The following SULT1B1 variants were observed in gnomAD, a reference collection of about 807,000 sequenced individuals.
SULT1B1 encodes the protein sulfotransferase family 1B member 1.
In SULT1B1, 28 loss-of-function variants were observed where a neutral mutation model predicts 34.6. The ratio of observed to expected loss-of-function variants is 0.81; its 90% confidence interval spans 0.60 to 1.11. The LOEUF (loss-of-function observed/expected upper bound fraction) is 1.11, where lower values mean the gene tolerates loss of function less well. Among genes scored for constraint, SULT1B1 ranks in the 50% least tolerant of loss-of-function variants. SULT1B1 has a pLI of 0.00. For missense variants in SULT1B1, 374 were observed against 352.2 expected (o/e 1.06, Z -0.50); for synonymous variants, 147 against 110.2 (o/e 1.33, Z -2.09).
chr4:69,733,543 C>T (rs368053819), intron 5 of SULT1B1, 36 bp from the exon 6 acceptor site: 80 of 1,430,730 alleles, frequency 5.6e-5, no homozygotes, highest in Non-Finnish European at 7.2e-5. Flanking sequence ...CATAAACATT[C>T]ATCAAATTAA....
intron 1 of SULT1B1, chr4:69,760,130 T>C (rs1457056143): frequency 2.2e-6 from 1 of 461,350 alleles, no homozygotes; most frequent in Non-Finnish European, 2.8e-6. Context: ...CATGAATGCA[T>C]GTGAGTAGGA....
In SULT1B1 at chr4:69,734,248, C is replaced by G. The variant is rs371978235; in HGVS notation, c.392G>C (p.Arg131Pro). Residue 131 changes from arginine to proline, a missense_variant, in exon 5 of 8, where the codon CGT becomes CCT. Arg to Pro is a moderately radical substitution (Grantham distance 103). Coordinates refer to ENST00000310613, the MANE Select transcript of SULT1B1 (RefSeq NM_014465.4). ...ENNCKMIYLA[R>P]NAKDVSVSYY... is the part of the protein sequence containing the mutation. ...TGAGACTGAAACATCCTTGGCATTACGAGCCAGATAAATCATCTGCAGTGG... is the reference window on the plus strand; with the variant it reads ...TGAGACTGAAACATCCTTGGCATTAGGAGCCAGATAAATCATCTGCAGTGG... The G allele has an allele frequency of 8.7e-6, 14 of 1,609,738 alleles. No homozygotes were observed. Among genetic ancestry groups the G allele is most frequent in the East Asian group, 6.7e-5 (3 of 44,592 alleles).
chr4:69,756,700 C>G (rs1051998658), intron 1 of SULT1B1, among the ~76,000 whole-genome samples: 1 of 152,174 alleles, frequency 6.6e-6, no homozygotes, highest in Non-Finnish European at 1.5e-5. Flanking sequence ...ACCATCAGCT[C>G]TACTGGGTCT....
At chr4:69,741,659 A>G (rs1312124447) in intron 4 of SULT1B1, among the ~76,000 whole-genome samples, 1 of 152,126 alleles carries the variant, frequency 6.6e-6, no homozygotes, top group Non-Finnish European at 1.5e-5. Flanking sequence ...GAATGAGATT[A>G]CGTTTTGATT....
At chr4:69,752,170 T>C (rs1028144149) in intron 3 of SULT1B1, among the ~76,000 whole-genome samples, 3 of 152,268 alleles carry the variant, frequency 2.0e-5, no homozygotes, top group Non-Finnish European at 4.4e-5. Context: ...TTTGTAATGC[T>C]AAGTAAAAAA....
At chr4:69,737,948 G>A (rs896646491) in intron 4 of SULT1B1, among the ~76,000 whole-genome samples, 1 of 152,098 alleles carries the variant, frequency 6.6e-6, no homozygotes, top group African/African-American at 2.4e-5. Context: ...GTGTACAAAT[G>A]ATTTCGTCAC....
At chr4:69,731,089 A>G (rs1174731123) in intron 6 of SULT1B1, among the ~76,000 whole-genome samples, 1 of 152,196 alleles carries the variant, frequency 6.6e-6, no homozygotes, top group East Asian at 1.9e-4. Context: ...ATCCTAAAAT[A>G]TTAATGATGA....
rs1717663887 is a variant in SULT1B1, at chr4:69,721,272, T to A, written c.*5816A>T. 1 of 152,134 alleles carries A rather than the reference T, an allele frequency of 6.6e-6. No homozygotes were observed. The highest frequency in any genetic ancestry group is 1.5e-5 in the Non-Finnish European group (1 of 68,018). 9.4% of individuals were successfully genotyped at this position (152,134 alleles called of 1,614,324 possible). A position where few individuals can be genotyped will look rare whatever the true frequency, so the allele number is the denominator to read the frequency against. ...AATGTGGAAATTTTACATATATATA[T>A]AAAACAGTTCTAATGATCATACATA... On this transcript the variant is annotated 3_prime_UTR_variant, in exon 8 of 8. Transcript: ENST00000310613.
At chr4:69,749,658 A>G in intron 4 of SULT1B1, 63 bp downstream of exon 4, 1 of 1,162,914 alleles carries the variant, frequency 8.6e-7, no homozygotes. Flanking sequence ...TAAAAAATAA[A>G]CTATGTGAGT....
chr4:69,749,669 G>A (rs1278369068), intron 4 of SULT1B1, 52 bp downstream of exon 4: 4 of 1,265,764 alleles, frequency 3.2e-6, no homozygotes, highest in Non-Finnish European at 4.6e-6. Context: ...CTATGTGAGT[G>A]GGTAAAGGGA....
chr4:69,748,675 C>T lies in SULT1B1; in HGVS notation c.375+1046G>A, dbSNP rs79147463. Among the ~76,000 whole-genome samples, 157 of 152,092 alleles carry T rather than the reference C, an allele frequency of 1.0e-3. 1 individual carries two copies. The East Asian group carries it at 0.022, about 22-fold the overall frequency. Reference sequence around the variant, plus strand: ...TGTAGAGTATGATCTTTGACTAAAACGGAATAAAATTAGAAATCAATAACA... The same window carrying T: ...TGTAGAGTATGATCTTTGACTAAAATGGAATAAAATTAGAAATCAATAACA... On this transcript the variant is annotated intron_variant, in intron 4 of 7. Transcript: ENST00000310613.
chr4:69,724,411 AG>A lies in SULT1B1; in HGVS notation c.*2676del, dbSNP rs1367861275. The A allele has an allele frequency of 9.2e-5, 14 of 152,394 alleles. No homozygotes were observed. Among genetic ancestry groups the A allele is most frequent in the African/African-American group, 3.4e-4 (14 of 41,590 alleles). 9.4% of individuals were successfully genotyped at this position (152,394 alleles called of 1,614,324 possible). ...AGAAGAACATTCCATGCTCATGGAT[AG>A]GAAGAATCAATATCATGAAAATGGC... is the stretch of plus-strand genomic sequence containing the variant. On this transcript the variant is annotated 3_prime_UTR_variant, in exon 8 of 8. Coordinates refer to ENST00000310613, the MANE Select transcript of SULT1B1 (RefSeq NM_014465.4).
rs1345946564 is a variant in SULT1B1 at position 69,725,709 on chromosome 4, AT to A, written c.*1378del. On this transcript the variant is annotated 3_prime_UTR_variant, in exon 8 of 8. Coordinates refer to ENST00000310613, the MANE Select transcript of SULT1B1 (RefSeq NM_014465.4). ...TGCAGCCATAAAAAATGATGAGTTC[AT>A]GTCCTTTGTAGGGACATGGATAAAG... 2 of 152,066 alleles carry A rather than the reference AT, an allele frequency of 1.3e-5. No homozygotes were observed. Among genetic ancestry groups the A allele is most frequent in the Non-Finnish European group, 2.9e-5 (2 of 68,028 alleles). 9.4% of individuals were successfully genotyped at this position (152,066 alleles called of 1,614,324 possible).
rs1405851755 is a variant in SULT1B1, at chr4:69,725,259, C to A, written c.*1829G>T. The stretch of plus-strand genomic sequence containing the variant: ...AGAAGACATTTATGCAGCCAACAGA[C>A]ACATGAAAAAATGCTCATCATCACT... On this transcript the variant is annotated 3_prime_UTR_variant, in exon 8 of 8. Transcript: ENST00000310613. 3.3e-5 allele frequency: 5 copies of A among 151,950 alleles called. No individual in the cohort carries two copies. Among genetic ancestry groups the A allele is most frequent in the African/African-American group, 1.2e-4 (5 of 41,368 alleles). The allele number at this position is 151,950 out of a possible 1,614,324, so 9.4% of individuals were successfully genotyped here.
At chr4:69,734,675 C>T (rs542297660) in intron 4 of SULT1B1, among the ~76,000 whole-genome samples, 12 of 152,014 alleles carry the variant, frequency 7.9e-5, no homozygotes, top group African/African-American at 2.9e-4. Flanking sequence ...CTTTTCACTT[C>T]TACCAGTGAA....
At position 69,725,493 on chromosome 4, in the gene SULT1B1, C is replaced by A. The variant is rs920372527; in HGVS notation, c.*1595G>T. On this transcript the variant is annotated 3_prime_UTR_variant, in exon 8 of 8. Coordinates refer to ENST00000310613, the MANE Select transcript of SULT1B1 (RefSeq NM_014465.4). Reference sequence around the variant, plus strand: ...CCTCAGAGATCTAGAACTAGAAATACCATTTGACCCAGCCATCCCATTACT... The same window carrying A: ...CCTCAGAGATCTAGAACTAGAAATAACATTTGACCCAGCCATCCCATTACT... The A allele has an allele frequency of 1.3e-5, 2 of 152,126 alleles. No individual in the cohort carries two copies. Among genetic ancestry groups the A allele is most frequent in the Admixed American group, 6.5e-5 (1 of 15,270 alleles). The allele number at this position is 152,126 out of a possible 1,614,324, so 9.4% of individuals were successfully genotyped here. A position where few individuals can be genotyped will look rare whatever the true frequency, so the allele number is the denominator to read the frequency against.
At position 69,750,577 on chromosome 4, in the gene SULT1B1, C is replaced by A. The variant is rs144941529; in HGVS notation, c.278-759G>T. Among the ~76,000 whole-genome samples, 132 of 152,204 alleles carry A rather than the reference C, an allele frequency of 8.7e-4. 1 individual carries two copies. The East Asian group carries it at 0.023, about 26-fold the overall frequency. ...GCCATCTCTGAATAGAAAGGCAAAC[C>A]CACACAAAATTGCATCTGACTCACT... is the stretch of plus-strand genomic sequence containing the variant. On this transcript the variant is annotated intron_variant, in intron 3 of 7. Coordinates refer to ENST00000310613, the MANE Select transcript of SULT1B1 (RefSeq NM_014465.4).
rs144812745 is a variant in SULT1B1 at position 69,750,814 on chromosome 4, C to T, written c.278-996G>A. Among the ~76,000 whole-genome samples, 11 of 152,248 alleles carry T rather than the reference C, an allele frequency of 7.2e-5. No homozygotes were observed. The East Asian group carries it at 2.1e-3, about 29-fold the overall frequency. The stretch of plus-strand genomic sequence containing the variant: ...GACTAAAATGGAGATTTCATAAGAA[C>T]AGAGATGTAACTTGTTTTGTTCATA... On this transcript the variant is annotated intron_variant, in intron 3 of 7. Transcript: ENST00000310613.
At chr4:69,734,872 G>A (rs1433917499) in intron 4 of SULT1B1, among the ~76,000 whole-genome samples, 1 of 148,518 alleles carries the variant, frequency 6.7e-6, no homozygotes, top group Non-Finnish European at 1.5e-5. Context: ...AGGCTGGAGT[G>A]CAGTGGTGCG....
Sources: allele counts gnomAD v4.1 joint callset (sites outside exome capture counted in the v4.1 genomes callset), GRCh38; gene constraint gnomAD v4.1.1; transcripts MANE v1.5; gene names NCBI Gene and HGNC (gene_info 2026-07-23, HGNC 2026-07-21).